TTC3: variants seen among roughly 807,000 people sequenced by gnomAD.
TTC3 encodes the protein tetratricopeptide repeat domain 3.
TTC3 carries 180 observed loss-of-function variants against 249.6 expected under a neutral mutation model. The ratio of observed to expected loss-of-function variants is 0.72; its 90% CI spans 0.64 to 0.82. The LOEUF is 0.82. TTC3 is among the 40% of genes least tolerant of loss of function. The pLI is 0.00. For synonymous variants in TTC3, 717 were observed against 805.0 expected, an observed-to-expected ratio of 0.89 and a Z score of 1.85; for missense variants, 2,061 against 2,398.4, an observed-to-expected ratio of 0.86 and a Z score of 2.94.
chr21:37,183,593 C>T (rs1171555947), intron 36 of TTC3, among the ~76,000 whole-genome samples: 1 of 152,180 alleles, frequency 6.6e-6, no homozygotes, highest in Non-Finnish European at 1.5e-5. Flanking sequence ...TTCTGCTGGT[C>T]TTGCCAGGAG....
Position 37,197,552 on chromosome 21 carries a change from A to G in TTC3, c.5580-18A>G, listed in dbSNP as rs2085050844. 6.2e-7 allele frequency: 1 copy of G among 1,611,484 alleles called. No individual in the cohort carries two copies. The highest frequency in any genetic ancestry group is 1.1e-5 in the South Asian group (1 of 90,926). ...AGAGAACTTTCTGTTGTCATTCATC[A>G]CTCACTCTCCCTTTCAGCACTGAGC... On this transcript the variant is annotated intron_variant, in intron 42 of 45. Transcript: ENST00000355666.
intron 6 of TTC3, 115 bp downstream of exon 6, chr21:37,090,401 G>C: frequency 9.3e-7 from 1 of 1,071,284 alleles, no homozygotes; most frequent in Non-Finnish European, 1.3e-6. Flanking sequence ...GTGGTATTTG[G>C]TAGTATTGAC....
At chr21:37,188,405 A>C in intron 38 of TTC3, 90 bp from the exon 39 acceptor site, 1 of 887,406 alleles carries the variant, frequency 1.1e-6, no homozygotes, top group South Asian at 1.7e-5. Flanking sequence ...GAGAAATGGG[A>C]AAGTGGTTTG....
chr21:37,108,323 A>G, intron 10 of TTC3, 69 bp from the exon 11 acceptor site: 1 of 1,283,560 alleles, frequency 7.8e-7, no homozygotes, highest in Non-Finnish European at 1.1e-6. Flanking sequence ...CACAAAGTAC[A>G]CATATGCAAG....
intron 34 of TTC3, 46 bp from the exon 35 acceptor site, chr21:37,172,549 G>A: frequency 6.4e-7 from 1 of 1,566,354 alleles, no homozygotes; most frequent in Non-Finnish European, 8.6e-7. Flanking sequence ...TCATAAGTAG[G>A]CATTTTAAAT....
chr21:37,100,114 G>A (rs1226045286), intron 10 of TTC3, among the ~76,000 whole-genome samples: 1 of 152,290 alleles, frequency 6.6e-6, no homozygotes, highest in South Asian at 2.1e-4. Flanking sequence ...GAGTGGCTGG[G>A]GAGAGAAGGA....
chr21:37,119,693 A>G (rs1166349917), intron 11 of TTC3, among the ~76,000 whole-genome samples: 1 of 151,860 alleles, frequency 6.6e-6, no homozygotes, highest in African/African-American at 2.4e-5. Context: ...GGCTTACTTT[A>G]TATGTTTTTC....
intron 1 of TTC3, chr21:37,081,530 T>C (rs2071659976): frequency 1.3e-5 from 2 of 152,238 alleles, no homozygotes; most frequent in South Asian, 4.1e-4. Flanking sequence ...ATTTATCCTA[T>C]TTTGGATGCA....
intron 31 of TTC3, 46 bp from the exon 32 acceptor site, chr21:37,164,005 G>A (rs750244938): frequency 3.8e-6 from 6 of 1,570,400 alleles, no homozygotes; most frequent in Middle Eastern, 2.4e-4. Flanking sequence ...ATAAACCAAA[G>A]GTCTATCATC....
chr21:37,083,114 C>T, intron 1 of TTC3: 1 of 985,266 alleles, frequency 1.0e-6, no homozygotes, highest in African/African-American at 1.7e-5. Context: ...AGAAGAGGTG[C>T]AAAAATCAAC....
intron 11 of TTC3, among the ~76,000 whole-genome samples, chr21:37,112,769 G>A (rs1467586954): frequency 1.3e-5 from 2 of 152,170 alleles, no homozygotes; most frequent in Admixed American, 6.6e-5. Flanking sequence ...TATCCTTGAT[G>A]AACATTGATG....
At chr21:37,195,622 T>G in intron 41 of TTC3, 53 bp from the exon 42 acceptor site, 1 of 1,531,858 alleles carries the variant, frequency 6.5e-7, no homozygotes, top group Non-Finnish European at 8.8e-7. Context: ...CTTGGGCGTT[T>G]CATCCTTCAA....
intron 11 of TTC3, among the ~76,000 whole-genome samples, chr21:37,112,656 A>G (rs1279134414): frequency 1.3e-5 from 2 of 152,192 alleles, no homozygotes. Context: ...ATTCCAATCA[A>G]TAGAAAAAGA....
At chr21:37,089,809 C>G (rs2073005408) in intron 5 of TTC3, among the ~76,000 whole-genome samples, 1 of 152,104 alleles carries the variant, frequency 6.6e-6, no homozygotes, top group African/African-American at 2.4e-5. Context: ...CCTGTAGAAA[C>G]CTCACCTCTA....
intron 39 of TTC3, among the ~76,000 whole-genome samples, chr21:37,190,582 C>T (rs2083960299): frequency 6.6e-6 from 1 of 152,204 alleles, no homozygotes; most frequent in South Asian, 2.1e-4. Context: ...CCATAGGCTG[C>T]ATTGTGGCTC....
At chr21:37,082,952 A>G in intron 1 of TTC3, 1 of 984,072 alleles carries the variant, frequency 1.0e-6, no homozygotes, top group African/African-American at 1.7e-5. Flanking sequence ...GTTATCCTAA[A>G]GAAAAGTATT....
Position 37,150,069 on chromosome 21 carries a change from A to C in TTC3, c.2119-9A>C. On this transcript the variant is annotated splice_polypyrimidine_tract_variant and intron_variant, in intron 23 of 45. Coordinates refer to ENST00000355666, the Ensembl canonical transcript of TTC3. ...ATTTTTCTTGTTTTTTTTTTTTTTA[A>C]TCAAATAGGATTTTCTACAAGGAAT... 1 of 1,564,770 alleles carries C rather than the reference A, an allele frequency of 6.4e-7. No homozygotes were observed.
chr21:37,113,433 C>T (rs2075851372), intron 11 of TTC3, among the ~76,000 whole-genome samples: 1 of 152,164 alleles, frequency 6.6e-6, no homozygotes, highest in African/African-American at 2.4e-5. Flanking sequence ...CTCCCATTCG[C>T]TATTGCTTCA....
chr21:37,129,376 G>A (rs2077289170), intron 16 of TTC3, among the ~76,000 whole-genome samples: 1 of 152,050 alleles, frequency 6.6e-6, no homozygotes, highest in South Asian at 2.1e-4. Flanking sequence ...TGCACATGAA[G>A]CCTCCTTCCC....
Sources: gnomAD v4.1 joint callset for allele counts (sites outside exome capture counted in the v4.1 genomes callset) on GRCh38, gnomAD v4.1.1 for gene constraint, MANE v1.5 for transcripts, NCBI Gene and HGNC (gene_info 2026-07-23, HGNC 2026-07-21) for gene names.